Variants in OTULINL observed in about 807,000 individuals in gnomAD.
OTULINL encodes inactive ubiquitin thioesterase OTULINL.
A neutral mutation model predicts 43.9 loss-of-function variants in OTULINL; 42 were observed. That is an observed-to-expected ratio of 0.96 (90% CI 0.75 to 1.24). The LOEUF (loss-of-function observed/expected upper bound fraction) is 1.24. OTULINL is among the 50% of genes most tolerant of loss of function. The probability of loss-of-function intolerance (pLI) is 0.00; values close to 1 mark genes in which losing one functional copy is unlikely to be tolerated. For missense variants in OTULINL, 411 were observed against 426.4 expected (o/e 0.96, Z 0.32); for synonymous variants, 172 against 153.6 (o/e 1.12, Z -0.88).
chr5:14,590,060 G>A (rs959672966), intron 1 of OTULINL, among the ~76,000 whole-genome samples: 10 of 152,164 alleles, frequency 6.6e-5, no homozygotes, highest in Admixed American at 6.5e-4. Flanking sequence ...AGGGAAATGG[G>A]CACAAAACAG....
At chr5:14,591,205 T>A (rs559407882) in intron 1 of OTULINL, among the ~76,000 whole-genome samples, 2 of 152,288 alleles carry the variant, frequency 1.3e-5, no homozygotes, top group East Asian at 3.9e-4. Context: ...AAATGTCAGG[T>A]CCTGCCTGGG....
intron 6 of OTULINL, among the ~76,000 whole-genome samples, chr5:14,608,024 CAGAG>C (rs1262555572): frequency 4.6e-5 from 7 of 152,180 alleles, no homozygotes; most frequent in African/African-American, 9.7e-5. Context: ...ACGTAATACA[CAGAG>C]AGCTTTAAAC....
intron 1 of OTULINL, among the ~76,000 whole-genome samples, chr5:14,587,411 A>T (rs1043418092): frequency 2.0e-5 from 3 of 152,226 alleles, no homozygotes; most frequent in Non-Finnish European, 4.4e-5. Flanking sequence ...CACTGTCTAG[A>T]TAGGAAGGGC....
chr5:14,595,612 AAGT>A (rs548407121), intron 1 of OTULINL, among the ~76,000 whole-genome samples: 2 of 144,474 alleles, frequency 1.4e-5, no homozygotes, highest in South Asian at 4.3e-4. Context: ...AAAAAACACT[AAGT>A]AGAATTTTAC....
In OTULINL at chr5:14,610,164, C is replaced by CAA. The variant is rs749519626; in HGVS notation, c.921_922insAA (p.Ser308AsnfsTer5). 1 of 1,613,920 alleles carries CAA rather than the reference C, an allele frequency of 6.2e-7. No individual in the cohort carries two copies. Among genetic ancestry groups the CAA allele is most frequent in the South Asian group, 1.1e-5 (1 of 91,072 alleles). On this transcript the variant is annotated frameshift_variant, in exon 8 of 8. Coordinates refer to ENST00000274217, the MANE Select transcript of OTULINL (RefSeq NM_019018.3). LOFTEE classifies it high-confidence loss of function. ...AGATTGATATGTTTATACTTGGATA[C>CAA]TCCCTTGAAGTAAAGATAAAAGTGT...
rs1396449483 is a variant in OTULINL at position 14,610,946 on chromosome 5, AGTTT to A, written c.*637_*640del. 1 of 152,182 alleles carries A rather than the reference AGTTT, an allele frequency of 6.6e-6. No homozygotes were observed. The highest frequency in any genetic ancestry group is 1.9e-4 in the East Asian group (1 of 5,196). 9.4% of individuals were successfully genotyped at this position (152,182 alleles called of 1,614,324 possible). A position where few individuals can be genotyped will look rare whatever the true frequency, so the allele number is the denominator to read the frequency against. ...GAACCACTACTTTGTAATAGTGTAC[AGTTT>A]GTTTTATATCTCTTTACTTTTTTTG... is the stretch of plus-strand genomic sequence containing the variant. On this transcript the variant is annotated 3_prime_UTR_variant, in exon 8 of 8. Transcript: ENST00000274217.
chr5:14,597,412 A>T (rs975059749), intron 1 of OTULINL, among the ~76,000 whole-genome samples: 1 of 152,206 alleles, frequency 6.6e-6, no homozygotes, highest in Non-Finnish European at 1.5e-5. Context: ...CACTTGCCCC[A>T]TATCACATGC....
At chr5:14,601,531 G>A in intron 4 of OTULINL, 89 bp downstream of exon 4, 1 of 1,191,258 alleles carries the variant, frequency 8.4e-7, no homozygotes, top group Admixed American at 2.1e-5. Flanking sequence ...ACTAAATCCA[G>A]ATATCCATCA....
chr5:14,589,385 A>G (rs1759159486), intron 1 of OTULINL, among the ~76,000 whole-genome samples: 1 of 152,136 alleles, frequency 6.6e-6, no homozygotes, highest in Non-Finnish European at 1.5e-5. Flanking sequence ...AGGCAAAGCA[A>G]GGTAGGGAGG....
intron 1 of OTULINL, among the ~76,000 whole-genome samples, chr5:14,595,691 A>T: frequency 8.7e-6 from 1 of 114,558 alleles, no homozygotes; most frequent in Non-Finnish European, 1.6e-5. Context: ...CAACAGTCTC[A>T]TCTGCCATAT....
chr5:14,592,368 CAG>C (rs1281323364), intron 1 of OTULINL, among the ~76,000 whole-genome samples: 1 of 152,170 alleles, frequency 6.6e-6, no homozygotes, highest in East Asian at 1.9e-4. Context: ...GAGAATTACT[CAG>C]GGGAAGGCAG....
Position 14,581,811 on chromosome 5 carries a change from G to T in OTULINL, c.-84G>T, listed in dbSNP as rs999223456. 3.4e-5 allele frequency: 39 copies of T among 1,132,022 alleles called. No homozygotes were observed. In the African/African-American group the frequency reaches 5.4e-4, roughly 16 times the overall value. The allele number at this position is 1,132,022 out of a possible 1,614,324, so 70.1% of individuals were successfully genotyped here. The stretch of plus-strand genomic sequence containing the variant: ...CAGCCCGCCTCAGGGAAGCGAGCCC[G>T]GGCGCCGGCGGGCGGCCGTCGCGTC... On this transcript the variant is annotated 5_prime_UTR_variant, in exon 1 of 8. Coordinates refer to ENST00000274217, the MANE Select transcript of OTULINL (RefSeq NM_019018.3).
In OTULINL at chr5:14,602,348, G is replaced by T; in HGVS notation, c.498+16G>T. On this transcript the variant is annotated intron_variant, in intron 5 of 7. Coordinates refer to ENST00000274217, the MANE Select transcript of OTULINL (RefSeq NM_019018.3). ...CATTGTTAAGGTATGTCTTCCCCCT[G>T]GAAATGTGGGAAATGTCATGTTGAC... 1 of 1,605,166 alleles carries T rather than the reference G, an allele frequency of 6.2e-7. No homozygotes were observed. The highest frequency in any genetic ancestry group is 8.5e-7 in the Non-Finnish European group (1 of 1,175,858).
At chr5:14,593,007 C>G (rs1759231049) in intron 1 of OTULINL, among the ~76,000 whole-genome samples, 1 of 152,168 alleles carries the variant, frequency 6.6e-6, no homozygotes. Flanking sequence ...ACCTGCATTC[C>G]TTTCCTCTGG....
intron 1 of OTULINL, among the ~76,000 whole-genome samples, chr5:14,593,663 T>TA (rs1336037759): frequency 6.6e-6 from 1 of 152,206 alleles, no homozygotes; most frequent in Non-Finnish European, 1.5e-5. Flanking sequence ...AAATGAAACT[T>TA]ACCTTTAAAA....
chr5:14,614,194 G>GA lies in OTULINL; in HGVS notation c.*3886dup, dbSNP rs1211892070. Among the ~76,000 whole-genome samples, 59 of 34,062 alleles carry GA rather than the reference G, an allele frequency of 1.7e-3. No homozygotes were observed. In the South Asian group the frequency reaches 0.056, roughly 32 times the overall value. The allele number at this position is 34,062 out of a possible 152,430, so 22.3% of individuals were successfully genotyped here. On this transcript the variant is annotated 3_prime_UTR_variant, in exon 8 of 8. Transcript: ENST00000274217. ...ATAAGACCAGTTAATGTGTAAAACAGAAAAAAGTATATATATATCATATGT... is the reference window on the plus strand; with the variant it reads ...ATAAGACCAGTTAATGTGTAAAACAGAAAAAAAGTATATATATATCATATGT...
At chr5:14,607,794 C>A (rs565614637) in intron 6 of OTULINL, among the ~76,000 whole-genome samples, 1 of 152,266 alleles carries the variant, frequency 6.6e-6, no homozygotes, top group African/African-American at 2.4e-5. Flanking sequence ...CTGGAATGCA[C>A]CCCATTCATA....
rs1579931618 is a variant in OTULINL, at chr5:14,613,026, G to C, written c.*2712G>C. 6.6e-6 allele frequency among the ~76,000 whole-genome samples: 1 copy of C among 152,014 alleles called. No individual in the cohort carries two copies. The highest frequency in any genetic ancestry group is 2.4e-5 in the African/African-American group (1 of 41,398). ...CAACCTCTACCTCCCAGGTTCAAGC[G>C]ATTCTCCTGCCTCAGCCTCCCGAGT... On this transcript the variant is annotated 3_prime_UTR_variant, in exon 8 of 8. Coordinates refer to ENST00000274217, the MANE Select transcript of OTULINL (RefSeq NM_019018.3).
rs1451169332 is a variant in OTULINL at position 14,613,975 on chromosome 5, A to G, written c.*3661A>G. 2.0e-5 allele frequency among the ~76,000 whole-genome samples: 3 copies of G among 152,246 alleles called. No homozygotes were observed. The highest frequency in any genetic ancestry group is 4.4e-5 in the Non-Finnish European group (3 of 68,040). On this transcript the variant is annotated 3_prime_UTR_variant, in exon 8 of 8. Coordinates refer to ENST00000274217, the MANE Select transcript of OTULINL (RefSeq NM_019018.3). ...ATTGTGTCCAAGCTGACTTTTTTGA[A>G]TGCTCTGGAAATGTTGGAATTCCAC... is the stretch of plus-strand genomic sequence containing the variant.
Sources: allele counts gnomAD v4.1 joint callset (sites outside exome capture counted in the v4.1 genomes callset), GRCh38; gene constraint gnomAD v4.1.1; transcripts MANE v1.5; gene names NCBI Gene and HGNC (gene_info 2026-07-23, HGNC 2026-07-21).